ST3GAL6: variants seen among roughly 807,000 people sequenced by gnomAD.
ST3GAL6 encodes ST3 beta-galactoside alpha-2,3-sialyltransferase 6.
ST3GAL6 carries 31 observed loss-of-function variants against 40.5 expected under a neutral mutation model. The observed-to-expected ratio is 0.77, with a 90% CI of 0.58 to 1.03. The LOEUF (loss-of-function observed/expected upper bound fraction) is 1.03, where lower values mean the gene tolerates loss of function less well. ST3GAL6 is among the 50% of genes least tolerant of loss of function. The pLI is 0.00. For synonymous variants in ST3GAL6, 129 were observed against 136.9 expected (o/e 0.94, Z 0.40); for missense variants, 357 against 393.2 (o/e 0.91, Z 0.78).
chr3:98,751,983 C>T (rs1379275036), intron 1 of ST3GAL6, among the ~76,000 whole-genome samples: 1 of 151,976 alleles, frequency 6.6e-6, no homozygotes, highest in Non-Finnish European at 1.5e-5. Context: ...AAATATTTGC[C>T]AATTTTAAGG....
chr3:98,771,938 C>T (rs1450723059), intron 3 of ST3GAL6, among the ~76,000 whole-genome samples: 2 of 152,054 alleles, frequency 1.3e-5, no homozygotes, highest in Non-Finnish European at 1.5e-5. Flanking sequence ...ACCTTTACTA[C>T]TCCAGATGTA....
intron 5 of ST3GAL6, chr3:98,782,898 C>A: frequency 2.7e-6 from 1 of 364,272 alleles, no homozygotes. Context: ...CTCAACAACC[C>A]TCAGGATTCA....
At chr3:98,744,735 CA>C (rs1216074795) in intron 1 of ST3GAL6, among the ~76,000 whole-genome samples, 2 of 149,024 alleles carry the variant, frequency 1.3e-5, no homozygotes, top group Admixed American at 6.6e-5. Flanking sequence ...CCTTTGGCCC[CA>C]AAAATATCTT....
intron 1 of ST3GAL6, chr3:98,733,207 G>C (rs1935198694): frequency 4.3e-6 from 4 of 940,720 alleles, no homozygotes; most frequent in Non-Finnish European, 5.1e-6. Flanking sequence ...AGGGACCATG[G>C]GCGCTGGGAC....
rs756065809 is a variant in ST3GAL6 at position 98,768,479 on chromosome 3, C to G, written c.39C>G (p.Val13=). ...GYLVAIFLSA[V]FLYYVLHCIL... ...TTGTGGCCATATTCCTGAGTGCTGT[C>G]TTCCTCTATTATGTACTGCATTGCA... The change falls in exon 2 of 10, where the codon GTC becomes GTG. Residue 13 remains valine, a synonymous_variant. Coordinates refer to ENST00000483910, the MANE Select transcript of ST3GAL6 (RefSeq NM_001323368.2). 6.2e-7 allele frequency: 1 copy of G among 1,613,740 alleles called. No individual in the cohort carries two copies.
rs570872212 is a variant in ST3GAL6, at chr3:98,784,183, C to T, written c.336-762C>T. 3.3e-5 allele frequency among the ~76,000 whole-genome samples: 5 copies of T among 152,336 alleles called. No individual in the cohort carries two copies. In the South Asian group the frequency reaches 6.2e-4, roughly 19 times the overall value. ...TCCCTTCTGTGGTTTTGTTCCCTAGCGGGCAAGGACACAGTCTATTTTGTC... is the reference window on the plus strand; with the variant it reads ...TCCCTTCTGTGGTTTTGTTCCCTAGTGGGCAAGGACACAGTCTATTTTGTC... On this transcript the variant is annotated intron_variant, in intron 5 of 9. Coordinates refer to ENST00000483910, the MANE Select transcript of ST3GAL6 (RefSeq NM_001323368.2).
chr3:98,791,824 T>C lies in ST3GAL6; in HGVS notation c.757-17T>C. 6.3e-7 allele frequency: 1 copy of C among 1,591,942 alleles called. No homozygotes were observed. Among genetic ancestry groups the C allele is most frequent in the East Asian group, 2.2e-5 (1 of 44,456 alleles). ...GCTCCTTTTGCTTAAAAAAGTTTTT[T>C]TCATCCCCTCCCCCAGAAACCTAAA... On this transcript the variant is annotated splice_polypyrimidine_tract_variant and intron_variant, in intron 8 of 9. Coordinates refer to ENST00000483910, the MANE Select transcript of ST3GAL6 (RefSeq NM_001323368.2).
At chr3:98,771,042 T>C in intron 3 of ST3GAL6, 86 bp downstream of exon 3, 3 of 1,539,770 alleles carry the variant, frequency 1.9e-6, no homozygotes, top group Non-Finnish European at 2.7e-6. Context: ...ATTTTTTTAA[T>C]GCAAATCTTA....
chr3:98,789,350 A>G lies in ST3GAL6; in HGVS notation c.756+887A>G, dbSNP rs182419238. Among the ~76,000 whole-genome samples the G allele has an allele frequency of 5.3e-5, 8 of 152,296 alleles. No individual in the cohort carries two copies. In the East Asian group the frequency reaches 1.5e-3, roughly 29 times the overall value. On this transcript the variant is annotated intron_variant, in intron 8 of 9. Transcript: ENST00000483910. ...AAATCAAAAAGGAAGTCACCAGTCT[A>G]TTCTCTTCCCTCTACAACCCATGTA...
intron 1 of ST3GAL6, chr3:98,756,354 T>C (rs1373552254): frequency 7.8e-7 from 1 of 1,289,634 alleles, no homozygotes; most frequent in Admixed American, 2.3e-5. Flanking sequence ...ATACTATCTT[T>C]ATGTTTTATT....
chr3:98,762,511 G>A (rs1937900376), upstream of ST3GAL6, among the ~76,000 whole-genome samples: 1 of 152,000 alleles, frequency 6.6e-6, no homozygotes, highest in African/African-American at 2.4e-5. Flanking sequence ...ATGGTCTATT[G>A]AGAATTTCGT....
intron 5 of ST3GAL6, among the ~76,000 whole-genome samples, chr3:98,775,579 G>A (rs898502807): frequency 5.3e-5 from 8 of 152,116 alleles, no homozygotes; most frequent in Non-Finnish European, 1.2e-4. Context: ...GGATTCTGGA[G>A]GCTATATGAC....
intron 1 of ST3GAL6, among the ~76,000 whole-genome samples, chr3:98,747,755 G>A (rs1281747326): frequency 1.3e-5 from 2 of 152,112 alleles, no homozygotes; most frequent in Non-Finnish European, 2.9e-5. Context: ...TTATGTATTT[G>A]CTATTCAAAT....
rs762655387 is a variant in ST3GAL6 at position 98,791,991 on chromosome 3, A to AAGGTAATATACTGTACTTT, written c.909+10_909+28dup. On this transcript the variant is annotated frameshift_variant and splice_region_variant, in exon 9 of 10. Coordinates refer to ENST00000483910, the MANE Select transcript of ST3GAL6 (RefSeq NM_001323368.2). LOFTEE classifies it high-confidence loss of function. ...GAATGCCACCATGTCTTTGATGAATAAGGTAATATACTGTACTTTAGGTAA... is the reference window on the plus strand; with the variant it reads ...GAATGCCACCATGTCTTTGATGAATAAGGTAATATACTGTACTTTAGGTAATATACTGTACTTTAGGTAA... 3.1e-6 allele frequency: 5 copies of AAGGTAATATACTGTACTTT among 1,612,766 alleles called. No homozygotes were observed. The African/African-American group carries it at 6.7e-5, about 22-fold the overall frequency.
chr3:98,784,848 T>C, intron 5 of ST3GAL6, 97 bp from the exon 6 acceptor site: 1 of 898,364 alleles, frequency 1.1e-6, no homozygotes. Context: ...GCGCAACAAG[T>C]GGAATTTGGC....
chr3:98,794,748 A>ATAAT lies in ST3GAL6; in HGVS notation c.*990_*993dup, dbSNP rs1012706519. The ATAAT allele has an allele frequency of 6.6e-6, 1 of 152,060 alleles. No homozygotes were observed. Among genetic ancestry groups the ATAAT allele is most frequent in the Non-Finnish European group, 1.5e-5 (1 of 68,016 alleles). 9.4% of individuals were successfully genotyped at this position (152,060 alleles called of 1,614,324 possible). A position where few individuals can be genotyped will look rare whatever the true frequency, so the allele number is the denominator to read the frequency against. ...AACCTCATCTCTACTAAAATACAAA[A>ATAAT]TAATTAGCTGGGCGTGGTGGTATGC... On this transcript the variant is annotated 3_prime_UTR_variant, in exon 10 of 10. Coordinates refer to ENST00000483910, the MANE Select transcript of ST3GAL6 (RefSeq NM_001323368.2).
chr3:98,752,594 C>T (rs1937091047), intron 1 of ST3GAL6, among the ~76,000 whole-genome samples: 1 of 152,078 alleles, frequency 6.6e-6, no homozygotes, highest in Non-Finnish European at 1.5e-5. Context: ...GCCTCAGCCT[C>T]GCGAGTAGCT....
At chr3:98,748,248 A>AGTGC (rs1936713337) in intron 1 of ST3GAL6, among the ~76,000 whole-genome samples, 1 of 152,174 alleles carries the variant, frequency 6.6e-6, no homozygotes, top group Non-Finnish European at 1.5e-5. Context: ...CTGGCAGCAA[A>AGTGC]CTGCCTAAGA....
chr3:98,749,947 A>G lies in ST3GAL6; in HGVS notation c.-12+17415A>G, dbSNP rs150303005. On this transcript the variant is annotated intron_variant, in intron 1 of 9. Coordinates refer to the ST3GAL6 transcript ENST00000265261. ...CTTTTAAGAAATTCTTATAGTTTGT[A>G]TAGGTGGTTGGGAGGTGAAATTCCA... Among the ~76,000 whole-genome samples, 312 of 152,344 alleles carry G rather than the reference A, an allele frequency of 2.0e-3. 2 individuals carry two copies. The highest frequency in any genetic ancestry group is 6.9e-3 in the African/African-American group (288 of 41,584).
Sources: allele counts gnomAD v4.1 joint callset (sites outside exome capture counted in the v4.1 genomes callset), GRCh38; gene constraint gnomAD v4.1.1; transcripts MANE v1.5; gene names NCBI Gene and HGNC (gene_info 2026-07-23, HGNC 2026-07-21).